The following ARHGAP32 variants were observed in gnomAD, a reference collection of about 807,000 sequenced individuals.
ARHGAP32 encodes rho GTPase-activating protein 32.
In ARHGAP32, 51 loss-of-function variants were observed where a neutral mutation model predicts 186.5. That is an observed-to-expected ratio of 0.27 (90% CI 0.22 to 0.35). ARHGAP32 has a LOEUF of 0.35. Ranked by LOEUF, ARHGAP32 falls within the 10% of genes least tolerant of loss-of-function variation. The probability of loss-of-function intolerance (pLI) is 1.00; values close to 1 mark genes in which losing one functional copy is unlikely to be tolerated. For synonymous variants in ARHGAP32, 950 were observed against 964.3 expected, an observed-to-expected ratio of 0.99 and a Z score of 0.27; for missense variants, 2,186 against 2,623.5, an observed-to-expected ratio of 0.83 and a Z score of 3.64.
At chr11:129,241,802 T>C (rs1250932350) in intron 1 of ARHGAP32, among the ~76,000 whole-genome samples, 1 of 152,114 alleles carries the variant, frequency 6.6e-6, no homozygotes, top group African/African-American at 2.4e-5. Flanking sequence ...ACATACTAAA[T>C]CCAAGATGCT....
intron 11 of ARHGAP32, chr11:129,024,177 T>C: frequency 1.0e-6 from 1 of 985,478 alleles, no homozygotes. Context: ...TCCTCCTCTC[T>C]CAGCACATAC....
At chr11:129,112,299 A>C (rs554908359) in intron 5 of ARHGAP32, among the ~76,000 whole-genome samples, 114 of 151,696 alleles carry the variant, frequency 7.5e-4, no homozygotes, top group Middle Eastern at 3.4e-3. Context: ...ATAAGTGACT[A>C]GATGCTTTTC....
rs79866320 is a variant in ARHGAP32 at position 129,071,129 on chromosome 11, G to A, written c.532-4261C>T. Among the ~76,000 whole-genome samples, 768 of 152,090 alleles carry A rather than the reference G, an allele frequency of 5.0e-3. 4 individuals are homozygous for A. The highest frequency in any genetic ancestry group is 0.018 in the African/African-American group (730 of 41,540). On this transcript the variant is annotated intron_variant, in intron 6 of 22. Coordinates refer to ENST00000682385, the MANE Select transcript of ARHGAP32 (RefSeq NM_001378024.1). ...TTACAATCAAGAAAATTCCTTGAAT[G>A]TATACTGATGTTATTTATTAAATGG...
intron 1 of ARHGAP32, among the ~76,000 whole-genome samples, chr11:129,181,159 A>G (rs935906043): frequency 3.3e-5 from 5 of 151,836 alleles, no homozygotes; most frequent in African/African-American, 9.7e-5. Context: ...GTTTTTGTTT[A>G]TTTCTTATTC....
At chr11:129,107,357 TA>T (rs1565425600) in intron 5 of ARHGAP32, among the ~76,000 whole-genome samples, 1 of 152,152 alleles carries the variant, frequency 6.6e-6, no homozygotes, top group Non-Finnish European at 1.5e-5. Context: ...CACTAGACAG[TA>T]ACTTGTAGCC....
intron 10 of ARHGAP32, among the ~76,000 whole-genome samples, chr11:129,056,589 C>T (rs1353932149): frequency 6.6e-6 from 1 of 152,132 alleles, no homozygotes; most frequent in Non-Finnish European, 1.5e-5. Context: ...CACTATATAG[C>T]ATGAGTTCAC....
At chr11:129,145,459 C>T (rs886998527) in intron 2 of ARHGAP32, among the ~76,000 whole-genome samples, 3 of 138,066 alleles carry the variant, frequency 2.2e-5, no homozygotes, top group African/African-American at 2.6e-5. Flanking sequence ...CCTAGACCAC[C>T]ATGACACTCC....
chr11:129,231,305 T>C (rs1944855523), intron 1 of ARHGAP32, among the ~76,000 whole-genome samples: 1 of 152,158 alleles, frequency 6.6e-6, no homozygotes. Flanking sequence ...GTTTTCTGAT[T>C]ACAGATGAAA....
intron 1 of ARHGAP32, among the ~76,000 whole-genome samples, chr11:129,227,269 T>C (rs1290020154): frequency 6.6e-6 from 1 of 151,772 alleles, no homozygotes; most frequent in Non-Finnish European, 1.5e-5. Flanking sequence ...TCAAAAAATA[T>C]ACTAAAATAC....
At chr11:129,043,381 C>CTTTTTTTTTT (rs1213682729) in intron 10 of ARHGAP32, among the ~76,000 whole-genome samples, 41 of 103,348 alleles carry the variant, frequency 4.0e-4, no homozygotes, top group South Asian at 1.0e-3. Flanking sequence ...TTCTTTTTTT[C>CTTTTTTTTTT]TTTTTTTTTT....
chr11:129,170,225 AC>A (rs1448822318), intron 1 of ARHGAP32, among the ~76,000 whole-genome samples: 5 of 150,530 alleles, frequency 3.3e-5, no homozygotes, highest in Non-Finnish European at 7.4e-5. Flanking sequence ...AAAAAAAAAA[AC>A]GGGATACATA....
At chr11:129,052,851 G>A (rs779615374) in intron 10 of ARHGAP32, among the ~76,000 whole-genome samples, 84 of 151,932 alleles carry the variant, frequency 5.5e-4, no homozygotes, top group Non-Finnish European at 8.4e-4. Context: ...TTTTGAAAGT[G>A]TATATTAATG....
rs1198073249 is a variant in ARHGAP32, at chr11:128,969,595, T to C, written c.5618A>G (p.Gln1873Arg). Reference sequence around the variant, plus strand: ...AAGCTTCCTGCTCCTCAGGCTGCTCTGCTTCTGAGGCAGGGATGGCTTCTC... The same window carrying C: ...AAGCTTCCTGCTCCTCAGGCTGCTCCGCTTCTGAGGCAGGGATGGCTTCTC... ...QPEKPSLPQK[Q>R]SSLRSRKLPD... Residue 1873 changes from glutamine (Q) to arginine (R), a missense_variant, in exon 23 of 23, where the codon CAG becomes CGG. By Grantham distance (43) the Gln-to-Arg change is conservative. Around this residue, in one of 5 missense-constraint regions of ARHGAP32, gnomAD observed 1,502 missense variants for 1,570.0 expected, o/e 0.96. Coordinates refer to ENST00000682385, the MANE Select transcript of ARHGAP32 (RefSeq NM_001378024.1). The surrounding 1 kb of genome is among the most constrained non-coding windows in gnomAD (Gnocchi z 4.8). 3.1e-6 allele frequency: 5 copies of C among 1,614,058 alleles called. No homozygotes were observed. The highest frequency in any genetic ancestry group is 8.5e-7 in the Non-Finnish European group (1 of 1,180,052).
At chr11:129,208,859 A>G (rs1362414253) in intron 1 of ARHGAP32, among the ~76,000 whole-genome samples, 1 of 152,184 alleles carries the variant, frequency 6.6e-6, no homozygotes, top group Non-Finnish European at 1.5e-5. Flanking sequence ...TTTTCCATCT[A>G]AAATAGAAAC....
rs142578294 is a variant in ARHGAP32 at position 129,213,019 on chromosome 11, T to C, written c.-4-48592A>G. ...ATATGTGTATCTGGCCTTTGCCTTG[T>C]TGTCCCAAGAATATATATACTTTAT... On this transcript the variant is annotated intron_variant, in intron 1 of 6. Coordinates refer to the ARHGAP32 transcript ENST00000525234. Among the ~76,000 whole-genome samples, 3 of 152,268 alleles carry C rather than the reference T, an allele frequency of 2.0e-5. No individual in the cohort carries two copies. The East Asian group carries it at 5.8e-4, about 29-fold the overall frequency.
At chr11:129,093,579 T>C (rs1172741934) in intron 6 of ARHGAP32, 42 bp downstream of exon 6, 1 of 1,387,754 alleles carries the variant, frequency 7.2e-7, no homozygotes, top group African/African-American at 1.4e-5. Flanking sequence ...TCAACCTAAT[T>C]CTTAACTTCA....
In ARHGAP32 at chr11:129,123,617, C is replaced by T. The variant is rs1942586369; in HGVS notation, c.360-87G>A. 8.4e-7 allele frequency: 1 copy of T among 1,186,154 alleles called. No individual in the cohort carries two copies. The highest frequency in any genetic ancestry group is 2.1e-5 in the Admixed American group (1 of 47,484). The allele number at this position is 1,186,154 out of a possible 1,614,324, so 73.5% of individuals were successfully genotyped here. Reference sequence around the variant, plus strand: ...GGGAAAAATACAGTGGATTTAAGAGCTCATGCAAGCAAAAATATTTCGTAA... The same window carrying T: ...GGGAAAAATACAGTGGATTTAAGAGTTCATGCAAGCAAAAATATTTCGTAA... On this transcript the variant is annotated intron_variant, in intron 4 of 22. Coordinates refer to ENST00000682385, the MANE Select transcript of ARHGAP32 (RefSeq NM_001378024.1). This position sits in a 1 kb window ranked among gnomAD's most constrained non-coding sequence, Gnocchi z 4.6.
At chr11:129,196,924 A>C (rs1258964197), upstream of ARHGAP32, among the ~76,000 whole-genome samples, 1 of 151,980 alleles carries the variant, frequency 6.6e-6, no homozygotes, top group African/African-American at 2.4e-5. Flanking sequence ...TGGCTTGGTG[A>C]TGCATGCATG....
At chr11:129,276,206 G>T (rs1020332192) in intron 1 of ARHGAP32, among the ~76,000 whole-genome samples, 1 of 152,224 alleles carries the variant, frequency 6.6e-6, no homozygotes, top group Non-Finnish European at 1.5e-5. Context: ...GTTCAAAATT[G>T]CAAGTACTAC....
Sources: gnomAD v4.1 joint callset for allele counts (sites outside exome capture counted in the v4.1 genomes callset) on GRCh38, gnomAD v4.1.1 for gene constraint, gnomAD v4.1.1 regional missense constraint, Gnocchi (gnomAD v3.1) non-coding constraint, MANE v1.5 for transcripts, NCBI Gene and HGNC (gene_info 2026-07-23, HGNC 2026-07-21) for gene names.